The following LOXHD1 variants were observed in gnomAD, a reference collection of about 807,000 sequenced individuals.
LOXHD1 encodes the protein lipoxygenase homology domain-containing protein 1.
A neutral mutation model predicts 248.2 loss-of-function variants in LOXHD1; 205 were observed. The ratio of observed to expected loss-of-function variants is 0.83; its 90% confidence interval spans 0.74 to 0.93. The LOEUF (loss-of-function observed/expected upper bound fraction) is 0.93, where lower values mean the gene tolerates loss of function less well. LOXHD1 is among the 40% of genes least tolerant of loss of function. The pLI, the probability that LOXHD1 is intolerant of heterozygous loss-of-function variation, is 0.00. For missense variants in LOXHD1, 2,930 were observed against 2,971.6 expected (o/e 0.99, Z 0.33); for synonymous variants, 1,113 against 1,162.8 (o/e 0.96, Z 0.87).
rs1302856439 is a variant in LOXHD1, at chr18:46,579,630, A to T, written c.1809T>A (p.Asn603Lys). 2.2e-5 allele frequency: 34 copies of T among 1,551,552 alleles called. No homozygotes were observed. The highest frequency in any genetic ancestry group is 2.8e-5 in the Non-Finnish European group (32 of 1,146,992). Residue 603 changes from asparagine to lysine, a missense_variant and splice_region_variant, in exon 13 of 41, where the codon AAT becomes AAA. Physicochemically the swap from Asn to Lys is moderately conservative, Grantham distance 94. Transcript: ENST00000642948. ...AGTGGGGCACATTGCTGTAACTTAC[A>T]TTGCCCTTTTCAAACAGGTCTGTGT... ...RNNTDLFEKG[N>K]ADEFTIESVT... is the part of the protein sequence containing the mutation.
Position 46,509,769 on chromosome 18 carries a change from T to C in LOXHD1, c.5446A>G (p.Ile1816Val). The change falls in exon 35 of 41, where the codon ATT (isoleucine) becomes GTT (valine). Residue 1816 changes from isoleucine (I) to valine (V), a missense_variant. Coordinates refer to ENST00000642948, the MANE Select transcript of LOXHD1 (RefSeq NM_001384474.1). ...ATCCGCATCTTGGTGAATGGAGCAA[T>C]GTCTAGGATCTCCATGATGAAGGTG... ...NDTFIMEILD[I>V]APFTKMRIRI... The C allele has an allele frequency of 1.3e-6, 2 of 1,551,034 alleles. No individual in the cohort carries two copies. The highest frequency in any genetic ancestry group is 1.7e-6 in the Non-Finnish European group (2 of 1,146,848).
At chr18:46,536,981 T>C (rs973860519) in intron 26 of LOXHD1, among the ~76,000 whole-genome samples, 1 of 152,210 alleles carries the variant, frequency 6.6e-6, no homozygotes. Flanking sequence ...TATTGCCATC[T>C]ATCCAAGTTA....
At chr18:46,508,963 G>A (rs796428426) in intron 35 of LOXHD1, among the ~76,000 whole-genome samples, 33 of 152,276 alleles carry the variant, frequency 2.2e-4, no homozygotes, top group African/African-American at 7.9e-4. Context: ...GCACAGAGCC[G>A]CACAGCTGGG....
intron 5 of LOXHD1, among the ~76,000 whole-genome samples, chr18:46,612,366 C>T (rs328127): frequency 0.85 from 129,188 of 152,218 alleles, 54,843 homozygotes; most frequent in East Asian, 0.98. Flanking sequence ...TGAAGATTCC[C>T]ATTCCCCACA....
Position 46,542,999 on chromosome 18 carries a change from C to T in LOXHD1, c.3620-144G>A, listed in dbSNP as rs2036629899. On this transcript the variant is annotated intron_variant, in intron 23 of 40. Coordinates refer to ENST00000642948, the MANE Select transcript of LOXHD1 (RefSeq NM_001384474.1). The stretch of plus-strand genomic sequence containing the variant: ...GACTGTGCAATTATCATCCATTGGC[C>T]ACCTTTGCACAGTGGGCATTTTAAA... 4 of 1,171,796 alleles carry T rather than the reference C, an allele frequency of 3.4e-6. No homozygotes were observed. The South Asian group carries it at 6.5e-5, about 19-fold the overall frequency. 72.6% of individuals were successfully genotyped at this position (1,171,796 alleles called of 1,614,324 possible).
intron 36 of LOXHD1, 98 bp from the exon 37 acceptor site, chr18:46,506,121 G>A: frequency 1.5e-6 from 2 of 1,329,250 alleles, no homozygotes; most frequent in Non-Finnish European, 2.1e-6. Context: ...GGAGTCAGGG[G>A]TACAGGTGGA....
chr18:46,558,070 G>A, intron 20 of LOXHD1: 2 of 985,882 alleles, frequency 2.0e-6, no homozygotes, highest in African/African-American at 1.7e-5. Flanking sequence ...AAGTAAATGG[G>A]GCCTTCTTGG....
intron 25 of LOXHD1, among the ~76,000 whole-genome samples, chr18:46,540,241 G>A (rs1056064668): frequency 2.0e-5 from 3 of 152,182 alleles, no homozygotes; most frequent in African/African-American, 4.8e-5. Context: ...TGCATTGCCA[G>A]CCTCTAGGAG....
chr18:46,528,781 C>T (rs2035932907), intron 29 of LOXHD1, among the ~76,000 whole-genome samples: 1 of 152,174 alleles, frequency 6.6e-6, no homozygotes, highest in African/African-American at 2.4e-5. Flanking sequence ...CTCCAGATCC[C>T]CTCTCCACCC....
At chr18:46,551,171 C>T (rs1034722716) in intron 21 of LOXHD1, among the ~76,000 whole-genome samples, 2 of 150,930 alleles carry the variant, frequency 1.3e-5, no homozygotes, top group Admixed American at 6.6e-5. Context: ...GGCGCAATCT[C>T]GGCTCACTGC....
chr18:46,495,098 C>T (rs1270028732), intron 37 of LOXHD1, among the ~76,000 whole-genome samples: 2 of 152,162 alleles, frequency 1.3e-5, no homozygotes, highest in Non-Finnish European at 1.5e-5. Flanking sequence ...TCGTGATCCA[C>T]CAGCCTCGGC....
At chr18:46,619,006 G>A (rs1037867887) in intron 4 of LOXHD1, among the ~76,000 whole-genome samples, 5 of 152,132 alleles carry the variant, frequency 3.3e-5, no homozygotes, top group African/African-American at 1.2e-4. Flanking sequence ...GGGAGACGAA[G>A]CTTGGTAAAC....
At chr18:46,482,640 A>G (rs377567579) in intron 40 of LOXHD1, among the ~76,000 whole-genome samples, 3 of 152,202 alleles carry the variant, frequency 2.0e-5, no homozygotes, top group African/African-American at 7.2e-5. Context: ...AGGGAGCTGC[A>G]GGTTGGACAA....
At chr18:46,560,041 T>TGGGCCCTGCCG in intron 19 of LOXHD1, 42 bp downstream of exon 19, 1 of 1,441,684 alleles carries the variant, frequency 6.9e-7, no homozygotes, top group Non-Finnish European at 9.4e-7. Flanking sequence ...GGGAACTGTC[T>TGGGCCCTGCCG]GGCCACTCCC....
intron 1 of LOXHD1, among the ~76,000 whole-genome samples, chr18:46,656,380 A>T (rs936157888): frequency 7.2e-5 from 11 of 152,156 alleles, no homozygotes; most frequent in African/African-American, 2.7e-4. Context: ...GAAAGATGAG[A>T]CTAGAAGGAC....
intron 6 of LOXHD1, among the ~76,000 whole-genome samples, chr18:46,610,067 G>A (rs886145157): frequency 2.0e-5 from 3 of 152,182 alleles, no homozygotes; most frequent in Non-Finnish European, 2.9e-5. Flanking sequence ...GAAAGCGTAC[G>A]CTTGGATCAA....
intron 2 of LOXHD1, among the ~76,000 whole-genome samples, chr18:46,643,532 G>A (rs765845629): frequency 1.3e-5 from 2 of 152,208 alleles, no homozygotes; most frequent in Non-Finnish European, 2.9e-5. Flanking sequence ...ACTAGCAATC[G>A]TGAGGGTCTG....
At chr18:46,518,070 G>A (rs1254550132) in intron 34 of LOXHD1, 59 bp downstream of exon 34, 1 of 1,546,880 alleles carries the variant, frequency 6.5e-7, no homozygotes, top group African/African-American at 1.4e-5. Flanking sequence ...AGGCAGGGTG[G>A]GGCAGAGGGG....
chr18:46,576,673 A>G (rs1303886474), intron 14 of LOXHD1, among the ~76,000 whole-genome samples: 2 of 152,202 alleles, frequency 1.3e-5, no homozygotes, highest in African/African-American at 2.4e-5. Flanking sequence ...AAACAGTGCT[A>G]TATGTAGAAG....
Sources: gnomAD v4.1 joint callset for allele counts (sites outside exome capture counted in the v4.1 genomes callset) on GRCh38, gnomAD v4.1.1 for gene constraint, MANE v1.5 for transcripts, NCBI Gene and HGNC (gene_info 2026-07-23, HGNC 2026-07-21) for gene names.